The following NUBPL variants were observed in gnomAD, a reference collection of about 807,000 sequenced individuals.
NUBPL encodes the protein iron-sulfur cluster transfer protein NUBPL.
A neutral mutation model predicts 45.7 loss-of-function variants in NUBPL; 31 were observed. The ratio of observed to expected loss-of-function variants is 0.68; its 90% CI spans 0.51 to 0.92. The LOEUF (loss-of-function observed/expected upper bound fraction) is 0.92. Ranked by LOEUF, NUBPL falls within the 40% of genes least tolerant of loss-of-function variation. NUBPL has a pLI of 0.00. For synonymous variants in NUBPL, 144 were observed against 140.9 expected, an observed-to-expected ratio of 1.02 and a Z score of -0.15; for missense variants, 401 against 398.7, an observed-to-expected ratio of 1.01 and a Z score of -0.05.
At chr14:31,812,584 C>A (rs931815231) in intron 7 of NUBPL, among the ~76,000 whole-genome samples, 1 of 152,202 alleles carries the variant, frequency 6.6e-6, no homozygotes, top group South Asian at 2.1e-4. Context: ...CGACCCCTTG[C>A]ACTTCCCTGG....
chr14:31,628,661 A>G (rs1223065354), intron 4 of NUBPL, among the ~76,000 whole-genome samples: 1 of 152,134 alleles, frequency 6.6e-6, no homozygotes, highest in Non-Finnish European at 1.5e-5. Flanking sequence ...TTCCAAGTAA[A>G]AATGATGTTC....
chr14:31,595,905 ATT>A lies in NUBPL; in HGVS notation c.292-3366_292-3365del, dbSNP rs34594633. Among the ~76,000 whole-genome samples, 1,345 of 135,346 alleles carry A rather than the reference ATT, an allele frequency of 9.9e-3. 18 individuals carry two copies. Among genetic ancestry groups the A allele is most frequent in the African/African-American group, 0.03 (1,083 of 36,458 alleles). 88.8% of individuals were successfully genotyped at this position (135,346 alleles called of 152,430 possible). On this transcript the variant is annotated intron_variant, in intron 3 of 10. Transcript: ENST00000281081. ...TTGGTGTTTCTGTTAATGGACACTG[ATT>A]TTTTTTTTTTTTTTTTTAAGACAGA...
At chr14:31,656,298 G>C (rs993801226) in intron 4 of NUBPL, among the ~76,000 whole-genome samples, 2 of 152,126 alleles carry the variant, frequency 1.3e-5, no homozygotes, top group East Asian at 3.9e-4. Flanking sequence ...GGGCTGTTTT[G>C]CTTTCTTTTT....
At chr14:31,721,321 G>T (rs1227387087) in intron 6 of NUBPL, among the ~76,000 whole-genome samples, 1 of 152,122 alleles carries the variant, frequency 6.6e-6, no homozygotes, top group East Asian at 1.9e-4. Flanking sequence ...TACTGAGTGT[G>T]TGCCAGATAT....
chr14:31,800,523 A>G (rs1021749659), intron 7 of NUBPL, among the ~76,000 whole-genome samples: 3 of 152,224 alleles, frequency 2.0e-5, no homozygotes, highest in Admixed American at 6.5e-5. Flanking sequence ...AAATGTGTCT[A>G]TGCTGTTGGA....
chr14:31,568,360 C>T (rs1566417949), intron 3 of NUBPL, among the ~76,000 whole-genome samples: 1 of 152,184 alleles, frequency 6.6e-6, no homozygotes, highest in Admixed American at 6.5e-5. Flanking sequence ...AAAAGTGCAG[C>T]TCGCTGCCAG....
intron 6 of NUBPL, among the ~76,000 whole-genome samples, chr14:31,785,658 A>G (rs1379783900): frequency 6.6e-6 from 1 of 152,094 alleles, no homozygotes; most frequent in African/African-American, 2.4e-5. Flanking sequence ...TTGTCTGTCT[A>G]TCTGTCTATC....
chr14:31,806,256 A>G (rs527357229), intron 7 of NUBPL, among the ~76,000 whole-genome samples: 4 of 152,246 alleles, frequency 2.6e-5, no homozygotes, highest in Non-Finnish European at 4.4e-5. Flanking sequence ...ACCTGGTTAA[A>G]TAAAGTTAGG....
At chr14:31,732,622 T>A (rs1253530357) in intron 6 of NUBPL, among the ~76,000 whole-genome samples, 1 of 142,396 alleles carries the variant, frequency 7.0e-6, no homozygotes, top group Non-Finnish European at 1.5e-5. Flanking sequence ...TTTTTTTTTT[T>A]TTTTTTTGAG....
At chr14:31,562,311 T>G (rs2033309520) in intron 2 of NUBPL, 96 bp downstream of exon 2, 1 of 1,181,600 alleles carries the variant, frequency 8.5e-7, no homozygotes, top group Non-Finnish European at 1.2e-6. Flanking sequence ...TAAAAATTTA[T>G]TTGTGAAGTT....
At chr14:31,811,124 T>C (rs975969304) in intron 7 of NUBPL, among the ~76,000 whole-genome samples, 1 of 152,150 alleles carries the variant, frequency 6.6e-6, no homozygotes, top group Non-Finnish European at 1.5e-5. Context: ...AGGAGTATAT[T>C]TGTGGTGTTC....
At position 31,840,434 on chromosome 14, in the gene NUBPL, C is replaced by T. The variant is rs566040778; in HGVS notation, c.694-6037C>T. On this transcript the variant is annotated intron_variant, in intron 8 of 10. Coordinates refer to ENST00000281081, the MANE Select transcript of NUBPL (RefSeq NM_025152.3). ...TAGAAATACAAAAAAATTAGCCAGA[C>T]GTGGTGGCGGGCGCCTGTAGTCCCA... Among the ~76,000 whole-genome samples the T allele has an allele frequency of 1.0e-3, 155 of 152,088 alleles. 1 individual carries two copies. The highest frequency in any genetic ancestry group is 1.8e-3 in the Non-Finnish European group (125 of 67,982).
chr14:31,741,764 A>G (rs1402232655), intron 6 of NUBPL, among the ~76,000 whole-genome samples: 1 of 152,008 alleles, frequency 6.6e-6, no homozygotes, highest in Non-Finnish European at 1.5e-5. Context: ...AGGTTTCTAC[A>G]TGGATAAATT....
chr14:31,726,492 A>G (rs1054096234), intron 6 of NUBPL, among the ~76,000 whole-genome samples: 2 of 152,120 alleles, frequency 1.3e-5, no homozygotes, highest in African/African-American at 4.8e-5. Context: ...TTGCTATATC[A>G]TTTTTCTGGA....
chr14:31,735,401 C>T (rs6571459), intron 6 of NUBPL, among the ~76,000 whole-genome samples: 69,209 of 151,968 alleles, frequency 0.46, 16,900 homozygotes, highest in African/African-American at 0.64. Context: ...GAACCAAGGA[C>T]GAAACATACA....
chr14:31,569,123 G>T (rs923133576), intron 3 of NUBPL, among the ~76,000 whole-genome samples: 2 of 152,134 alleles, frequency 1.3e-5, no homozygotes, highest in African/African-American at 4.8e-5. Flanking sequence ...CTAGGCTAAA[G>T]GAATTTCTGG....
intron 6 of NUBPL, 113 bp downstream of exon 6, chr14:31,673,687 G>A: frequency 3.4e-6 from 3 of 885,410 alleles, no homozygotes; most frequent in Non-Finnish European, 5.6e-6. Context: ...TGGGATGAAT[G>A]TATAATGCGT....
intron 8 of NUBPL, among the ~76,000 whole-genome samples, chr14:31,837,381 G>A (rs2040298840): frequency 2.0e-5 from 3 of 152,104 alleles, no homozygotes; most frequent in Admixed American, 2.0e-4. Context: ...AAATATTTTT[G>A]TGCATCTTTA....
At chr14:31,710,643 C>T (rs979570651) in intron 6 of NUBPL, among the ~76,000 whole-genome samples, 7 of 152,086 alleles carry the variant, frequency 4.6e-5, no homozygotes, top group East Asian at 3.8e-4. Context: ...GAACCTTACC[C>T]GTGTCCTATA....
Sources: allele counts gnomAD v4.1 joint callset (sites outside exome capture counted in the v4.1 genomes callset), GRCh38; gene constraint gnomAD v4.1.1; transcripts MANE v1.5; gene names NCBI Gene and HGNC (gene_info 2026-07-23, HGNC 2026-07-21).